CACNA2D3: variants seen among roughly 807,000 people sequenced by gnomAD.
CACNA2D3 encodes the protein calcium voltage-gated channel auxiliary subunit alpha2delta 3, also known as voltage-dependent calcium channel subunit alpha-2/delta-3.
In CACNA2D3, 60 loss-of-function variants were observed where a neutral mutation model predicts 160.6. The observed-to-expected ratio is 0.37, with a 90% CI of 0.30 to 0.46. The LOEUF (loss-of-function observed/expected upper bound fraction) is 0.46, where lower values mean the gene tolerates loss of function less well. Among genes scored for constraint, CACNA2D3 ranks in the 20% least tolerant of loss-of-function variants. The pLI, the probability that CACNA2D3 is intolerant of heterozygous loss-of-function variation, is 1.00. For missense variants in CACNA2D3, 1,205 were observed against 1,365.0 expected (o/e 0.88, Z 1.85); for synonymous variants, 558 against 492.9 (o/e 1.13, Z -1.75).
intron 35 of CACNA2D3, among the ~76,000 whole-genome samples, chr3:55,051,102 C>T (rs1233742093): frequency 6.6e-6 from 1 of 152,034 alleles, no homozygotes; most frequent in African/African-American, 2.4e-5. Flanking sequence ...CTTCTCTCAG[C>T]TCGTCAAAGT....
chr3:54,624,072 C>T (rs1699044243), intron 9 of CACNA2D3, among the ~76,000 whole-genome samples: 1 of 152,058 alleles, frequency 6.6e-6, no homozygotes, highest in South Asian at 2.1e-4. Flanking sequence ...CACAGAGAGT[C>T]CTTTATTGGT....
At chr3:54,654,174 G>A (rs918289423) in intron 11 of CACNA2D3, among the ~76,000 whole-genome samples, 3 of 152,092 alleles carry the variant, frequency 2.0e-5, no homozygotes, top group Non-Finnish European at 2.9e-5. Context: ...TGGAGTCACC[G>A]AGGGGTTGGC....
chr3:54,524,956 C>A (rs1701702007), intron 5 of CACNA2D3, among the ~76,000 whole-genome samples: 1 of 152,004 alleles, frequency 6.6e-6, no homozygotes, highest in African/African-American at 2.4e-5. Flanking sequence ...TCTGAAAAAT[C>A]TCTGCCTCTT....
chr3:54,321,412 G>C (rs1703989932), intron 3 of CACNA2D3, among the ~76,000 whole-genome samples: 1 of 152,052 alleles, frequency 6.6e-6, no homozygotes, highest in Admixed American at 6.5e-5. Context: ...CTCCTGAGTA[G>C]CTGGGGCTAC....
intron 2 of CACNA2D3, among the ~76,000 whole-genome samples, chr3:54,283,911 A>G (rs941573737): frequency 6.6e-6 from 1 of 152,076 alleles, no homozygotes; most frequent in African/African-American, 2.4e-5. Context: ...AAAAATACAA[A>G]AATTAGCTGA....
At chr3:54,158,573 C>T (rs769940844) in intron 2 of CACNA2D3, among the ~76,000 whole-genome samples, 23 of 152,242 alleles carry the variant, frequency 1.5e-4, no homozygotes, top group South Asian at 2.1e-4. Context: ...ACTGGCTTCT[C>T]GGGACTAGAT....
intron 18 of CACNA2D3, among the ~76,000 whole-genome samples, chr3:54,877,989 TA>T (rs146803443): frequency 6.6e-6 from 1 of 152,320 alleles, no homozygotes; most frequent in African/African-American, 2.4e-5. Context: ...TATGTGTTGT[TA>T]AAAAAATATC....
intron 11 of CACNA2D3, among the ~76,000 whole-genome samples, chr3:54,730,490 A>ATCTT (rs142784774): frequency 6.6e-6 from 1 of 151,758 alleles, no homozygotes; most frequent in South Asian, 2.1e-4. Context: ...TTGAAACAGA[A>ATCTT]TCTTTCTTTC....
At chr3:54,563,060 C>A in intron 6 of CACNA2D3, 129 bp downstream of exon 6, 1 of 866,768 alleles carries the variant, frequency 1.2e-6, no homozygotes, top group Non-Finnish European at 1.7e-6. Flanking sequence ...GAATTCCAAA[C>A]CTATTGTCAG....
intron 4 of CACNA2D3, among the ~76,000 whole-genome samples, chr3:54,463,314 T>A (rs914344296): frequency 6.6e-6 from 1 of 152,210 alleles, no homozygotes; most frequent in Non-Finnish European, 1.5e-5. Flanking sequence ...TGAATCTGAA[T>A]GTTGGCTTGC....
At chr3:54,837,103 C>G in intron 14 of CACNA2D3, 56 bp from the exon 15 acceptor site, 1 of 1,502,412 alleles carries the variant, frequency 6.7e-7, no homozygotes, top group Non-Finnish European at 9.3e-7. Flanking sequence ...GGGGTGGCCT[C>G]CAGAACTGTG....
At chr3:54,477,226 A>G (rs1399982691) in intron 4 of CACNA2D3, among the ~76,000 whole-genome samples, 2 of 152,110 alleles carry the variant, frequency 1.3e-5, no homozygotes, top group Non-Finnish European at 2.9e-5. Flanking sequence ...CTATAACCTA[A>G]GAGGAAAGAA....
intron 18 of CACNA2D3, chr3:54,876,423 G>A (rs1446197911): frequency 6.6e-6 from 1 of 152,214 alleles, no homozygotes; most frequent in Non-Finnish European, 1.5e-5. Flanking sequence ...AAGGAGGACA[G>A]AAAGCCACCT....
intron 4 of CACNA2D3, among the ~76,000 whole-genome samples, chr3:54,425,628 G>A (rs1014212542): frequency 1.3e-5 from 2 of 152,190 alleles, no homozygotes; most frequent in African/African-American, 4.8e-5. Context: ...GGCAGAGTGG[G>A]TTCGGGTTTT....
chr3:54,316,179 A>G (rs1703856328), intron 2 of CACNA2D3, among the ~76,000 whole-genome samples: 1 of 152,088 alleles, frequency 6.6e-6, no homozygotes, highest in South Asian at 2.1e-4. Context: ...GTATTCTTTG[A>G]CACAGTTTGG....
At chr3:54,353,266 G>C (rs1431978825) in intron 3 of CACNA2D3, among the ~76,000 whole-genome samples, 1 of 152,136 alleles carries the variant, frequency 6.6e-6, no homozygotes, top group African/African-American at 2.4e-5. Flanking sequence ...TTTCTTTGTA[G>C]CTCTGAAAGA....
chr3:54,270,367 C>T (rs974947866), intron 2 of CACNA2D3, among the ~76,000 whole-genome samples: 3 of 152,184 alleles, frequency 2.0e-5, no homozygotes, highest in African/African-American at 4.8e-5. Context: ...AGGAATTAAT[C>T]GACCTGCTTT....
intron 29 of CACNA2D3, 94 bp from the exon 30 acceptor site, chr3:54,984,514 C>A: frequency 1.4e-6 from 1 of 738,530 alleles, no homozygotes; most frequent in Non-Finnish European, 2.2e-6. Context: ...ATAAGTTTGT[C>A]TAAGGTTGGA....
chr3:54,863,679 T>A (rs553815058), intron 17 of CACNA2D3, among the ~76,000 whole-genome samples: 4 of 151,668 alleles, frequency 2.6e-5, no homozygotes, highest in Non-Finnish European at 4.4e-5. Flanking sequence ...AAGATAAAGG[T>A]CATTCAGGTT....
Sources: gnomAD v4.1 joint callset for allele counts (sites outside exome capture counted in the v4.1 genomes callset) on GRCh38, gnomAD v4.1.1 for gene constraint, MANE v1.5 for transcripts, NCBI Gene and HGNC (gene_info 2026-07-23, HGNC 2026-07-21) for gene names.